Variants in RORA observed in about 807,000 individuals in gnomAD.
The protein encoded by RORA is nuclear receptor ROR-alpha.
In RORA, 7 loss-of-function variants were observed where a neutral mutation model predicts 69.5. That is an observed-to-expected ratio of 0.10 (90% confidence interval 0.06 to 0.19). The LOEUF is 0.19. Ranked by LOEUF, RORA falls within the 10% of genes least tolerant of loss-of-function variation. The pLI, the probability that RORA is intolerant of heterozygous loss-of-function variation, is 1.00. For synonymous variants in RORA, 261 were observed against 240.8 expected, an observed-to-expected ratio of 1.08 and a Z score of -0.78; for missense variants, 457 against 663.0, an observed-to-expected ratio of 0.69 and a Z score of 3.41.
At chr15:61,178,840 C>G (rs1567024593) in intron 1 of RORA, among the ~76,000 whole-genome samples, 1 of 152,176 alleles carries the variant, frequency 6.6e-6, no homozygotes, top group African/African-American at 2.4e-5. Context: ...ATGGCAAGTC[C>G]TTGAATAGCT....
At chr15:60,978,947 C>T (rs573762912) in intron 1 of RORA, among the ~76,000 whole-genome samples, 260 of 136,202 alleles carry the variant, frequency 1.9e-3, no homozygotes, top group Non-Finnish European at 3.5e-3. Flanking sequence ...AAGTGTGAGT[C>T]CTCCAACTTT....
At chr15:60,680,803 A>C (rs1370009364) in intron 1 of RORA, among the ~76,000 whole-genome samples, 1 of 152,188 alleles carries the variant, frequency 6.6e-6, no homozygotes, top group Non-Finnish European at 1.5e-5. Context: ...CTATACAAGA[A>C]GAATGTAAAT....
intron 1 of RORA, among the ~76,000 whole-genome samples, chr15:61,118,258 C>T (rs956441511): frequency 2.0e-5 from 3 of 152,082 alleles, no homozygotes; most frequent in Non-Finnish European, 2.9e-5. Flanking sequence ...CTCAACTGAG[C>T]CTTCAGGCCT....
At chr15:61,076,955 T>G (rs1398778271) in intron 1 of RORA, among the ~76,000 whole-genome samples, 1 of 151,838 alleles carries the variant, frequency 6.6e-6, no homozygotes, top group African/African-American at 2.4e-5. Context: ...AAAAAGCCCT[T>G]AATTGCTTCT....
intron 1 of RORA, among the ~76,000 whole-genome samples, chr15:61,151,895 C>T (rs2079401133): frequency 6.6e-6 from 1 of 152,182 alleles, no homozygotes; most frequent in East Asian, 1.9e-4. Context: ...TTCCTGCATT[C>T]ACTATTAGCA....
At chr15:60,525,430 G>A (rs954264664) in intron 3 of RORA, among the ~76,000 whole-genome samples, 1 of 152,174 alleles carries the variant, frequency 6.6e-6, no homozygotes, top group Non-Finnish European at 1.5e-5. Context: ...TTGGTCTTTT[G>A]ACAATTTTCA....
chr15:60,573,769 A>G (rs2067949768), intron 2 of RORA, among the ~76,000 whole-genome samples: 1 of 152,184 alleles, frequency 6.6e-6, no homozygotes, highest in African/African-American at 2.4e-5. Flanking sequence ...AGCTGTTCCT[A>G]ACCCCTCAGT....
chr15:60,591,291 A>G (rs544353916), intron 2 of RORA, among the ~76,000 whole-genome samples: 2 of 152,208 alleles, frequency 1.3e-5, no homozygotes, highest in African/African-American at 2.4e-5. Flanking sequence ...CGGGCGCACA[A>G]GCGGGCGGCG....
At chr15:61,084,633 T>G (rs1018240639) in intron 1 of RORA, among the ~76,000 whole-genome samples, 3 of 152,190 alleles carry the variant, frequency 2.0e-5, no homozygotes, top group African/African-American at 7.2e-5. Context: ...AATCTTCAAG[T>G]GTTCTCAGTA....
At chr15:61,120,922 A>C (rs553613065) in intron 1 of RORA, among the ~76,000 whole-genome samples, 8 of 146,266 alleles carry the variant, frequency 5.5e-5, no homozygotes, top group Non-Finnish European at 3.0e-5. Context: ...ATCTCGGCTC[A>C]CTGCAACCTC....
chr15:60,663,213 T>G (rs1160760431), intron 2 of RORA, among the ~76,000 whole-genome samples: 1 of 152,234 alleles, frequency 6.6e-6, no homozygotes, highest in Non-Finnish European at 1.5e-5. Flanking sequence ...AATTTCAGAA[T>G]CTGAGCATCT....
chr15:60,855,009 G>A lies in RORA; in HGVS notation c.167-176323C>T, dbSNP rs145958010. On this transcript the variant is annotated intron_variant, in intron 1 of 10. Coordinates refer to ENST00000335670, the MANE Select transcript of RORA (RefSeq NM_134261.3). ...GAGAAGATGCTGGTAGTCATTTTGA[G>A]CATCGCACAGTAACTGAAAGGAGCT... Among the ~76,000 whole-genome samples the A allele has an allele frequency of 1.1e-4, 16 of 152,324 alleles. No individual in the cohort carries two copies. The East Asian group carries it at 2.7e-3, about 26-fold the overall frequency.
chr15:61,222,276 C>T (rs372228864), intron 1 of RORA, among the ~76,000 whole-genome samples: 1 of 152,124 alleles, frequency 6.6e-6, no homozygotes, highest in South Asian at 2.1e-4. Flanking sequence ...GAAACCACAG[C>T]GCCATGCCAC....
At position 60,687,552 on chromosome 15, in the gene RORA, C is replaced by G. The variant is rs576190993; in HGVS notation, c.167-8866G>C. On this transcript the variant is annotated intron_variant, in intron 1 of 10. Coordinates refer to ENST00000335670, the MANE Select transcript of RORA (RefSeq NM_134261.3). ...ATCACTTGAGGTCAGGAGTTTGAGA[C>G]CAGCCTGGCCAACATGGTGAAACCC... Among the ~76,000 whole-genome samples the G allele has an allele frequency of 7.2e-5, 11 of 152,244 alleles. No homozygotes were observed. In the East Asian group the frequency reaches 1.9e-3, roughly 27 times the overall value.
chr15:60,771,383 T>C (rs1419300579), intron 1 of RORA, among the ~76,000 whole-genome samples: 1 of 152,256 alleles, frequency 6.6e-6, no homozygotes, highest in Non-Finnish European at 1.5e-5. Flanking sequence ...CTCACACACT[T>C]GCCTGGGAGC....
intron 1 of RORA, among the ~76,000 whole-genome samples, chr15:60,742,591 C>T (rs182102900): frequency 8.1e-4 from 123 of 152,294 alleles, no homozygotes; most frequent in African/African-American, 2.7e-3. Flanking sequence ...TTATTCCTCC[C>T]GTCTAATTGA....
rs1236896002 is a variant in RORA, at chr15:61,226,302, G to C, written c.166+2751C>G. Among the ~76,000 whole-genome samples, 3 of 152,160 alleles carry C rather than the reference G, an allele frequency of 2.0e-5. No individual in the cohort carries two copies. Among genetic ancestry groups the C allele is most frequent in the African/African-American group, 7.2e-5 (3 of 41,440 alleles). ...CCAAGAACTCCACTCCACCCTCCTGGAGGTTGAAAATGCTAATCATAAGGT... is the reference window on the plus strand; with the variant it reads ...CCAAGAACTCCACTCCACCCTCCTGCAGGTTGAAAATGCTAATCATAAGGT... On this transcript the variant is annotated intron_variant, in intron 1 of 10. Coordinates refer to ENST00000335670, the MANE Select transcript of RORA (RefSeq NM_134261.3). This position sits in a 1 kb window ranked among gnomAD's most constrained non-coding sequence, Gnocchi z 4.2.
chr15:60,542,344 C>CACAT (rs1420176011), intron 2 of RORA, among the ~76,000 whole-genome samples: 1 of 151,722 alleles, frequency 6.6e-6, no homozygotes, highest in African/African-American at 2.4e-5. Flanking sequence ...CATACACACA[C>CACAT]ATACCACACA....
chr15:60,862,264 G>C (rs1253809761), intron 1 of RORA, among the ~76,000 whole-genome samples: 1 of 152,198 alleles, frequency 6.6e-6, no homozygotes, highest in Non-Finnish European at 1.5e-5. Context: ...GTACCCTCTT[G>C]CCTGCAAAGG....
Sources: gnomAD v4.1 joint callset for allele counts (sites outside exome capture counted in the v4.1 genomes callset) on GRCh38, gnomAD v4.1.1 for gene constraint, Gnocchi (gnomAD v3.1) non-coding constraint, MANE v1.5 for transcripts, NCBI Gene and HGNC (gene_info 2026-07-23, HGNC 2026-07-21) for gene names.